Variants in PASD1 observed in about 807,000 individuals in gnomAD.
PASD1 encodes circadian clock protein PASD1.
PASD1 carries 13 observed loss-of-function variants against 58.8 expected under a neutral mutation model. The observed-to-expected ratio is 0.22, with a 90% CI of 0.14 to 0.35. PASD1 has a LOEUF of 0.35. PASD1 is among the 10% of genes least tolerant of loss of function. The pLI is 1.00. For synonymous variants in PASD1, 236 were observed against 216.7 expected, an observed-to-expected ratio of 1.09 and a Z score of -0.78; for missense variants, 734 against 568.3, an observed-to-expected ratio of 1.29 and a Z score of -2.96.
intron 3 of PASD1, among the ~76,000 whole-genome samples, chrX:151,609,642 C>A (rs1307231650): frequency 8.9e-6 from 1 of 111,800 alleles, no homozygotes; most frequent in African/African-American, 3.2e-5. Context: ...GCAAAATTCT[C>A]TTTCCTTTTA....
chrX:151,628,828 G>A (rs181029721), intron 8 of PASD1, among the ~76,000 whole-genome samples: 137 of 111,819 alleles, frequency 1.2e-3, no homozygotes, highest in African/African-American at 4.2e-3. Flanking sequence ...CATGAGCATG[G>A]AATGTTCTTC....
At chrX:151,605,711 A>C (rs1321693204) in intron 3 of PASD1, among the ~76,000 whole-genome samples, 1 of 110,320 alleles carries the variant, frequency 9.1e-6, no homozygotes, top group Non-Finnish European at 1.9e-5. Flanking sequence ...CAATTCCCCC[A>C]ACTCAGCCCC....
chrX:151,576,675 GTA>G lies in PASD1; in HGVS notation c.-28+12838_-28+12839del, dbSNP rs200046876. On this transcript the variant is annotated intron_variant, in intron 1 of 15. Coordinates refer to ENST00000370357, the MANE Select transcript of PASD1 (RefSeq NM_173493.3). ...GTAGATCAATAAGAAGTGTGTGTGTGTATGTGTGTGTGTGTGCACACGTGTGT... is the reference window on the plus strand; with the variant it reads ...GTAGATCAATAAGAAGTGTGTGTGTGTGTGTGTGTGTGTGCACACGTGTGT... Among the ~76,000 whole-genome samples the G allele has an allele frequency of 3.8e-3, 431 of 112,039 alleles. 2 individuals carry two copies. The highest frequency in any genetic ancestry group is 0.013 in the African/African-American group (406 of 30,847).
chrX:151,666,978 T>G (rs2014391474), intron 11 of PASD1, among the ~76,000 whole-genome samples: 1 of 109,604 alleles, frequency 9.1e-6, no homozygotes, highest in Non-Finnish European at 1.9e-5. Context: ...CCACAATGGT[T>G]GAACTAGTTT....
chrX:151,625,320 AT>A, intron 7 of PASD1, 127 bp from the exon 8 acceptor site: 1 of 460,902 alleles, frequency 2.2e-6, no homozygotes, highest in African/African-American at 2.5e-5. Flanking sequence ...ACTCCAGTGC[AT>A]TTCTCACATT....
At chrX:151,638,448 A>G (rs1214108010) in intron 8 of PASD1, among the ~76,000 whole-genome samples, 2 of 110,530 alleles carry the variant, frequency 1.8e-5, no homozygotes, top group Non-Finnish European at 3.8e-5. Context: ...TAAAAAAAAA[A>G]AAAAGAAAAG....
chrX:151,602,461 G>A (rs1259732661), intron 2 of PASD1, among the ~76,000 whole-genome samples: 4 of 111,040 alleles, frequency 3.6e-5, no homozygotes, highest in Admixed American at 1.9e-4. Context: ...TTGGGAGGCC[G>A]AGGTGGGTGG....
intron 4 of PASD1, among the ~76,000 whole-genome samples, chrX:151,612,224 A>G (rs1219160903): frequency 0.036 from 4 of 112 alleles, no homozygotes; most frequent in Non-Finnish European, 0.07. Context: ...ATCATGTTGG[A>G]CATTTGGCTG....
chrX:151,571,298 C>G, intron 1 of PASD1, among the ~76,000 whole-genome samples: 1 of 111,631 alleles, frequency 9.0e-6, no homozygotes. Context: ...CTTTATCTGT[C>G]TTTTCCAGTT....
Position 151,607,933 on chromosome X carries a change from C to T in PASD1, c.117+3199C>T, listed in dbSNP as rs373153983. Reference sequence around the variant, plus strand: ...GGATGGGGTATGAATCTTGAGGAGGCGCATAAACTGAGTCTGGTATAGCTG... The same window carrying T: ...GGATGGGGTATGAATCTTGAGGAGGTGCATAAACTGAGTCTGGTATAGCTG... On this transcript the variant is annotated intron_variant, in intron 3 of 15. Coordinates refer to ENST00000370357, the MANE Select transcript of PASD1 (RefSeq NM_173493.3). Among the ~76,000 whole-genome samples the T allele has an allele frequency of 2.1e-4, 23 of 111,426 alleles. No homozygotes were observed. In the South Asian group the frequency reaches 3.1e-3, roughly 15 times the overall value.
At position 151,581,770 on chromosome X, in the gene PASD1, A is replaced by T. The variant is rs185917973; in HGVS notation, c.-28+17931A>T. Among the ~76,000 whole-genome samples the T allele has an allele frequency of 2.7e-5, 3 of 110,028 alleles. No homozygotes were observed. In the East Asian group the frequency reaches 8.6e-4, roughly 31 times the overall value. On this transcript the variant is annotated intron_variant, in intron 1 of 15. Coordinates refer to ENST00000370357, the MANE Select transcript of PASD1 (RefSeq NM_173493.3). ...AAAAAGGAGAGAGGAAAAGAGCAGGATACAGGAATAGTGTCCACTAATGAA... is the reference window on the plus strand; with the variant it reads ...AAAAAGGAGAGAGGAAAAGAGCAGGTTACAGGAATAGTGTCCACTAATGAA...
At position 151,672,232 on chromosome X, in the gene PASD1, T is replaced by C; in HGVS notation, c.1487T>C (p.Leu496Pro). ...EQHLKEQQRQ[L>P]REQLQQLREQ... ...CACCTGAAGGAGCAGCAGCGGCAGC[T>C]GCGGGAGCAGCTGCAACAGCTGAGA... Residue 496 changes from leucine (L) to proline (P), a missense_variant, in exon 14 of 16, where the codon CTG becomes CCG. Transcript: ENST00000370357. 8.8e-7 allele frequency: 1 copy of C among 1,139,276 alleles called. No homozygotes were observed. Among genetic ancestry groups the C allele is most frequent in the Non-Finnish European group, 1.2e-6 (1 of 851,346 alleles). 93.9% of individuals were successfully genotyped at this position (1,139,276 alleles called of 1,213,427 possible). A position where few individuals can be genotyped will look rare whatever the true frequency, so the allele number is the denominator to read the frequency against.
intron 4 of PASD1, among the ~76,000 whole-genome samples, chrX:151,613,117 C>T (rs1043661608): frequency 1.8e-5 from 2 of 111,792 alleles, no homozygotes; most frequent in South Asian, 3.8e-4. Context: ...TGTCAAAGAT[C>T]GGACAGTTGT....
intron 1 of PASD1, among the ~76,000 whole-genome samples, chrX:151,576,460 T>C (rs1326651368): frequency 8.9e-6 from 1 of 112,672 alleles, no homozygotes; most frequent in Non-Finnish European, 1.9e-5. Context: ...GTAGCATCAA[T>C]AATAAAATTA....
chrX:151,653,196 AT>A (rs1256565605), intron 9 of PASD1, among the ~76,000 whole-genome samples: 1,784 of 84,652 alleles, frequency 0.021, 33 homozygotes, highest in African/African-American at 0.06. Context: ...ATATATATAT[AT>A]TTTTTTTTTT....
At position 151,671,192 on chromosome X, in the gene PASD1, T is replaced by G. The variant is rs912479423; in HGVS notation, c.1226T>G (p.Leu409Arg). ...GCATTGGAATTGATGATGGATCACC[T>G]TCAGGTCAGTCAGGATGCTAGGTTT... is the stretch of plus-strand genomic sequence containing the variant. ...QNALELMMDH[L>R]QKQPNTLRHV... The change falls in exon 12 of 16, where the codon CTT becomes CGT. Residue 409 changes from leucine to arginine, a missense_variant. Transcript: ENST00000370357. 1 of 1,208,955 alleles carries G rather than the reference T, an allele frequency of 8.3e-7. No homozygotes were observed. Among genetic ancestry groups the G allele is most frequent in the African/African-American group, 1.7e-5 (1 of 57,226 alleles).
intron 1 of PASD1, among the ~76,000 whole-genome samples, chrX:151,592,488 A>T (rs1319068831): frequency 1.8e-5 from 2 of 112,132 alleles, no homozygotes; most frequent in African/African-American, 6.5e-5. Context: ...ACTTTTCTTG[A>T]TGGAAATATA....
intron 14 of PASD1, chrX:151,672,956 T>C: frequency 3.4e-6 from 1 of 290,117 alleles, no homozygotes; most frequent in Non-Finnish European, 6.0e-6. Flanking sequence ...ATCACTTGGC[T>C]GGATTCCCCA....
chrX:151,607,868 T>G (rs908272285), intron 3 of PASD1, among the ~76,000 whole-genome samples: 2 of 111,910 alleles, frequency 1.8e-5, no homozygotes, highest in African/African-American at 6.5e-5. Flanking sequence ...AGGTTGGGAC[T>G]GCAAAAGCAA....
Sources: gnomAD v4.1 joint callset for allele counts (sites outside exome capture counted in the v4.1 genomes callset) on GRCh38, gnomAD v4.1.1 for gene constraint, MANE v1.5 for transcripts, NCBI Gene and HGNC (gene_info 2026-07-23, HGNC 2026-07-21) for gene names.